The following ERBB4 variants were observed in gnomAD, a reference collection of about 807,000 sequenced individuals.
ERBB4 encodes the protein receptor tyrosine-protein kinase erbB-4.
A neutral mutation model predicts 158.0 loss-of-function variants in ERBB4; 42 were observed. The observed-to-expected ratio is 0.27, with a 90% confidence interval of 0.21 to 0.34. The LOEUF (loss-of-function observed/expected upper bound fraction) is 0.34. ERBB4 is among the 10% of genes least tolerant of loss of function. The probability of loss-of-function intolerance (pLI) is 1.00; values close to 1 mark genes in which losing one functional copy is unlikely to be tolerated. For synonymous variants in ERBB4, 583 were observed against 558.7 expected (o/e 1.04, Z -0.61); for missense variants, 1,333 against 1,624.1 (o/e 0.82, Z 3.08).
intron 2 of ERBB4, among the ~76,000 whole-genome samples, chr2:212,103,591 G>A (rs2079143058): frequency 6.6e-6 from 1 of 151,930 alleles, no homozygotes; most frequent in African/African-American, 2.4e-5. Flanking sequence ...GTGATCAAAA[G>A]ATAAACATAA....
chr2:211,859,473 T>C (rs1015339783), intron 3 of ERBB4, among the ~76,000 whole-genome samples: 7 of 152,204 alleles, frequency 4.6e-5, no homozygotes, highest in East Asian at 1.9e-4. Flanking sequence ...TTTATAAGCT[T>C]AGATAGTAAA....
In ERBB4 at chr2:212,316,316, G is replaced by A. The variant is rs141643783; in HGVS notation, c.83-191413C>T. Among the ~76,000 whole-genome samples the A allele has an allele frequency of 1.7e-4, 25 of 151,480 alleles. No homozygotes were observed. In the East Asian group the frequency reaches 2.2e-3, roughly 13 times the overall value. On this transcript the variant is annotated intron_variant, in intron 1 of 27. Coordinates refer to ENST00000342788, the MANE Select transcript of ERBB4 (RefSeq NM_005235.3). Reference sequence around the variant, plus strand: ...CTGCAAGGGTGCCCTTTTGGATGCCGTAGAAATGTGTATTTCCTTTTACAG... The same window carrying A: ...CTGCAAGGGTGCCCTTTTGGATGCCATAGAAATGTGTATTTCCTTTTACAG...
At chr2:211,580,875 A>AG (rs796517036) in intron 19 of ERBB4, among the ~76,000 whole-genome samples, 9 of 1,208 alleles carry the variant, frequency 7.5e-3, no homozygotes, top group South Asian at 0.033. Context: ...ACATATATAT[A>AG]TATATATATA....
chr2:212,431,916 T>C (rs565671222), intron 1 of ERBB4, among the ~76,000 whole-genome samples: 1 of 152,338 alleles, frequency 6.6e-6, no homozygotes, highest in African/African-American at 2.4e-5. Context: ...TTTCCTAATT[T>C]ATTATTCTCC....
intron 19 of ERBB4, among the ~76,000 whole-genome samples, chr2:211,568,086 C>T (rs991793100): frequency 6.6e-6 from 1 of 151,732 alleles, no homozygotes. Context: ...GGGACATTAT[C>T]TATTTTTCCA....
At chr2:211,550,943 C>T (rs1019356034) in intron 20 of ERBB4, among the ~76,000 whole-genome samples, 1 of 151,504 alleles carries the variant, frequency 6.6e-6, no homozygotes. Flanking sequence ...TTCCCCCCGA[C>T]CACCTTTTTT....
chr2:212,384,452 G>T (rs2090608292), intron 1 of ERBB4, among the ~76,000 whole-genome samples: 1 of 151,544 alleles, frequency 6.6e-6, no homozygotes, highest in African/African-American at 2.4e-5. Context: ...GCTGTCTAGG[G>T]CAAGAGGCAA....
chr2:211,922,806 C>G (rs189331152), intron 3 of ERBB4, among the ~76,000 whole-genome samples: 16 of 152,014 alleles, frequency 1.1e-4, no homozygotes, highest in Non-Finnish European at 2.9e-5. Flanking sequence ...GACTTTGAAG[C>G]AAGGGGAGTC....
At chr2:212,268,328 G>C (rs1007228915) in intron 1 of ERBB4, among the ~76,000 whole-genome samples, 1 of 151,770 alleles carries the variant, frequency 6.6e-6, no homozygotes, top group Admixed American at 6.6e-5. Flanking sequence ...AAATGGAATA[G>C]CACAAAAATC....
rs1344420419 is a variant in ERBB4 at position 211,383,939 on chromosome 2, C to T, written c.3603G>A (p.Glu1201=). The T allele has an allele frequency of 6.2e-7, 1 of 1,614,072 alleles. No individual in the cohort carries two copies. ...TGAGGTACAGTGGCTCATTCACATA[C>T]TCATCCTCGGCCTTGGGTGGACCAT... ...ASNGPPKAED[E]YVNEPLYLNT... is the part of the protein sequence containing the mutation. Residue 1201 remains glutamate, a synonymous_variant, in exon 28 of 28, where the codon GAG becomes GAA. Coordinates refer to ENST00000342788, the MANE Select transcript of ERBB4 (RefSeq NM_005235.3).
intron 2 of ERBB4, among the ~76,000 whole-genome samples, chr2:212,085,772 G>A (rs901425084): frequency 6.6e-6 from 1 of 151,724 alleles, no homozygotes; most frequent in African/African-American, 2.4e-5. Context: ...TCCTCATAAA[G>A]TGGCTTCGAT....
intron 1 of ERBB4, among the ~76,000 whole-genome samples, chr2:212,248,849 T>C (rs376000079): frequency 6.6e-6 from 1 of 152,160 alleles, no homozygotes; most frequent in African/African-American, 2.4e-5. Context: ...CTTAGATGAC[T>C]GAGTTTCTTT....
At chr2:211,906,482 G>T (rs2079395931) in intron 3 of ERBB4, among the ~76,000 whole-genome samples, 2 of 152,114 alleles carry the variant, frequency 1.3e-5, no homozygotes, top group South Asian at 4.1e-4. Context: ...TGGGATACCT[G>T]CTGTCAGAGT....
chr2:212,526,143 A>G (rs1692434695), intron 1 of ERBB4, among the ~76,000 whole-genome samples: 1 of 152,054 alleles, frequency 6.6e-6, no homozygotes, highest in Admixed American at 6.6e-5. Flanking sequence ...GAAAGCTGTT[A>G]AACTGTGGGA....
intron 19 of ERBB4, among the ~76,000 whole-genome samples, chr2:211,566,157 A>G (rs1254312279): frequency 6.6e-6 from 1 of 152,210 alleles, no homozygotes; most frequent in Non-Finnish European, 1.5e-5. Context: ...TGGCTCAGAG[A>G]GAAGAGAATT....
chr2:212,080,309 C>T (rs1192400879), intron 2 of ERBB4, among the ~76,000 whole-genome samples: 1 of 148,750 alleles, frequency 6.7e-6, no homozygotes, highest in Non-Finnish European at 1.5e-5. Flanking sequence ...CAGACTCCGT[C>T]TCAAAAAAAA....
intron 13 of ERBB4, among the ~76,000 whole-genome samples, chr2:211,674,691 A>C (rs2071984271): frequency 6.6e-6 from 1 of 152,204 alleles, no homozygotes; most frequent in Non-Finnish European, 1.5e-5. Context: ...CAGAATATAA[A>C]AGTCCAAATG....
chr2:211,551,539 A>G (rs920002987), intron 20 of ERBB4, among the ~76,000 whole-genome samples: 1 of 152,194 alleles, frequency 6.6e-6, no homozygotes, highest in African/African-American at 2.4e-5. Context: ...ACTGGTATTC[A>G]CAAACTTCCA....
At chr2:212,061,738 T>C (rs1409804303) in intron 2 of ERBB4, among the ~76,000 whole-genome samples, 1 of 125,882 alleles carries the variant, frequency 7.9e-6, no homozygotes, top group Admixed American at 7.9e-5. Context: ...TTTTCTTTTC[T>C]TTTTTTTTTT....
Sources: gnomAD v4.1 joint callset for allele counts (sites outside exome capture counted in the v4.1 genomes callset) on GRCh38, gnomAD v4.1.1 for gene constraint, MANE v1.5 for transcripts, NCBI Gene and HGNC (gene_info 2026-07-23, HGNC 2026-07-21) for gene names.